Variants in SLC44A1 observed in about 807,000 individuals in gnomAD.
SLC44A1 encodes the protein solute carrier family 44 member 1, also known as choline transporter-like protein 1.
In SLC44A1, 26 loss-of-function variants were observed where a neutral mutation model predicts 79.3. The observed-to-expected ratio is 0.33, with a 90% CI of 0.24 to 0.46. The LOEUF (loss-of-function observed/expected upper bound fraction) is 0.46. Ranked by LOEUF, SLC44A1 falls within the 20% of genes least tolerant of loss-of-function variation. The pLI, the probability that SLC44A1 is intolerant of heterozygous loss-of-function variation, is 1.00. For missense variants in SLC44A1, 688 were observed against 798.1 expected, an observed-to-expected ratio of 0.86 and a Z score of 1.66; for synonymous variants, 263 against 286.2, an observed-to-expected ratio of 0.92 and a Z score of 0.82.
At position 105,392,391 on chromosome 9, in the gene SLC44A1, CT is replaced by C; in HGVS notation, c.*3336del. On this transcript the variant is annotated 3_prime_UTR_variant, in exon 16 of 16. Transcript: ENST00000374720. Reference sequence around the variant, plus strand: ...TGTTTTTCTTTTGTAGAGATGCTCTCTCTCTCTCTCTCTTTTTTTTTTTTTT... The same window carrying C: ...TGTTTTTCTTTTGTAGAGATGCTCTCCTCTCTCTCTCTTTTTTTTTTTTTT... The C allele has an allele frequency of 1.1e-6, 1 of 883,286 alleles. No individual in the cohort carries two copies. Among genetic ancestry groups the C allele is most frequent in the Non-Finnish European group, 1.3e-6 (1 of 768,730 alleles). 54.7% of individuals were successfully genotyped at this position (883,286 alleles called of 1,614,324 possible). A position where few individuals can be genotyped will look rare whatever the true frequency, so the allele number is the denominator to read the frequency against.
chr9:105,251,080 A>G (rs995003161), intron 1 of SLC44A1, among the ~76,000 whole-genome samples: 1 of 152,124 alleles, frequency 6.6e-6, no homozygotes, highest in Non-Finnish European at 1.5e-5. Context: ...ACAGTTCCCA[A>G]ACTAAATTAC....
rs374900983 is a variant in SLC44A1 at position 105,315,180 on chromosome 9, G to A, written c.269+5314G>A. ...CCAAAGCCCTTATACAATCTAGGAA[G>A]GCTTTGAGTAATTTGAAGGCAATTT... On this transcript the variant is annotated intron_variant, in intron 3 of 15. Transcript: ENST00000374720. Among the ~76,000 whole-genome samples, 4 of 151,844 alleles carry A rather than the reference G, an allele frequency of 2.6e-5. No individual in the cohort carries two copies. The East Asian group carries it at 7.7e-4, about 29-fold the overall frequency.
intron 1 of SLC44A1, among the ~76,000 whole-genome samples, chr9:105,249,815 A>G (rs1829541162): frequency 6.6e-6 from 1 of 150,910 alleles, no homozygotes; most frequent in Admixed American, 6.6e-5. Context: ...GATTACAGGC[A>G]TGAGCCTCCA....
At chr9:105,274,210 T>C (rs1197997392) in intron 1 of SLC44A1, among the ~76,000 whole-genome samples, 1 of 152,208 alleles carries the variant, frequency 6.6e-6, no homozygotes, top group East Asian at 1.9e-4. Context: ...CCTTAAGCAA[T>C]ATGAAGCTAC....
chr9:105,387,370 A>G (rs543886164), intron 15 of SLC44A1, among the ~76,000 whole-genome samples: 1 of 152,038 alleles, frequency 6.6e-6, no homozygotes, highest in South Asian at 2.1e-4. Context: ...TCACCTAGAC[A>G]TGATTGCTTG....
chr9:105,315,093 G>A (rs1831284553), intron 3 of SLC44A1, among the ~76,000 whole-genome samples: 1 of 152,010 alleles, frequency 6.6e-6, no homozygotes, highest in Non-Finnish European at 1.5e-5. Flanking sequence ...GTTTAAAGAT[G>A]AAAGAAATTT....
intron 15 of SLC44A1, among the ~76,000 whole-genome samples, chr9:105,407,541 T>C (rs1310218900): frequency 1.3e-5 from 2 of 152,210 alleles, no homozygotes; most frequent in African/African-American, 4.8e-5. Context: ...TCAAGAATCC[T>C]GTATTCAATA....
At chr9:105,298,176 G>A (rs551317386) in intron 1 of SLC44A1, among the ~76,000 whole-genome samples, 5 of 152,140 alleles carry the variant, frequency 3.3e-5, no homozygotes, top group Admixed American at 6.5e-5. Flanking sequence ...AATGCCGCTA[G>A]TTCTGTAGTT....
At chr9:105,338,651 C>T (rs1826996498) in intron 4 of SLC44A1, among the ~76,000 whole-genome samples, 1 of 152,166 alleles carries the variant, frequency 6.6e-6, no homozygotes, top group Admixed American at 6.5e-5. Context: ...TAGCCTTAAG[C>T]GATCCTCCCT....
intron 15 of SLC44A1, among the ~76,000 whole-genome samples, chr9:105,418,131 G>A (rs944065580): frequency 2.6e-5 from 4 of 151,922 alleles, no homozygotes; most frequent in Non-Finnish European, 5.9e-5. Flanking sequence ...GCCTGGCCAT[G>A]GTGAAACTCC....
At chr9:105,321,007 A>G (rs1241541183) in intron 3 of SLC44A1, among the ~76,000 whole-genome samples, 1 of 152,096 alleles carries the variant, frequency 6.6e-6, no homozygotes, top group African/African-American at 2.4e-5. Flanking sequence ...ATTTTTTCTA[A>G]TCTTTGGTTT....
intron 1 of SLC44A1, among the ~76,000 whole-genome samples, chr9:105,294,244 C>T (rs1830667337): frequency 6.6e-6 from 1 of 152,126 alleles, no homozygotes. Context: ...AATCTCAAAC[C>T]TTCATTTTAG....
chr9:105,350,395 G>A (rs907062874), intron 5 of SLC44A1, among the ~76,000 whole-genome samples: 2 of 146,642 alleles, frequency 1.4e-5, no homozygotes, highest in South Asian at 2.1e-4. Flanking sequence ...TCCACCCATC[G>A]TTGTATTAGA....
Position 105,364,712 on chromosome 9 carries a change from T to C in SLC44A1, c.1245T>C (p.Tyr415=). The C allele has an allele frequency of 6.2e-7, 1 of 1,612,328 alleles. No homozygotes were observed. Among genetic ancestry groups the C allele is most frequent in the East Asian group, 2.2e-5 (1 of 44,868 alleles). The change falls in exon 10 of 16, where the codon TAT becomes TAC. Residue 415 remains tyrosine, a synonymous_variant. Coordinates refer to ENST00000374720, the MANE Select transcript of SLC44A1 (RefSeq NM_080546.5). ...MTVAGAVVTY[Y]FTRDKRNLPF... ...TGGCAGGAGCTGTGGTAACATACTA[T>C]TTTACTAGGTAAGAATATGTTGTTA...
intron 1 of SLC44A1, among the ~76,000 whole-genome samples, chr9:105,263,197 C>T (rs1232230866): frequency 6.6e-6 from 1 of 152,228 alleles, no homozygotes; most frequent in Non-Finnish European, 1.5e-5. Context: ...TGTTTAAACA[C>T]TTCCAGCAAC....
rs1422085126 is a variant in SLC44A1 at position 105,391,923 on chromosome 9, T to C, written c.*2867T>C. The C allele has an allele frequency of 1.0e-6, 1 of 985,170 alleles. No homozygotes were observed. Among genetic ancestry groups the C allele is most frequent in the African/African-American group, 1.7e-5 (1 of 57,220 alleles). The allele number at this position is 985,170 out of a possible 1,614,324, so 61.0% of individuals were successfully genotyped here. ...AATTGGGGTCCTCTATTGTCAATTG[T>C]AGTAGTGACCAGAGTATCGTGGTTT... On this transcript the variant is annotated 3_prime_UTR_variant, in exon 16 of 16. Transcript: ENST00000374720.
rs1035789265 is a variant in SLC44A1, at chr9:105,394,667, C to A, written c.*5611C>A. On this transcript the variant is annotated 3_prime_UTR_variant, in exon 16 of 16. Transcript: ENST00000374720. Reference sequence around the variant, plus strand: ...TACTACTGTCTTAAAATATATTTGTCAACATGTCCAGTTCCAACAACAGTT... The same window carrying A: ...TACTACTGTCTTAAAATATATTTGTAAACATGTCCAGTTCCAACAACAGTT... 1.8e-5 allele frequency: 18 copies of A among 985,092 alleles called. No individual in the cohort carries two copies. The African/African-American group carries it at 2.8e-4, about 15-fold the overall frequency. 61.0% of individuals were successfully genotyped at this position (985,092 alleles called of 1,614,324 possible).
In SLC44A1 at chr9:105,392,629, A is replaced by G. The variant is rs1479860166; in HGVS notation, c.*3573A>G. 5 of 985,256 alleles carry G rather than the reference A, an allele frequency of 5.1e-6. No homozygotes were observed. Among genetic ancestry groups the G allele is most frequent in the South Asian group, 4.7e-5 (1 of 21,286 alleles). The allele number at this position is 985,256 out of a possible 1,614,324, so 61.0% of individuals were successfully genotyped here. A position where few individuals can be genotyped will look rare whatever the true frequency, so the allele number is the denominator to read the frequency against. Reference sequence around the variant, plus strand: ...CTCTCCCTCCCTCTTCAAAACAGCTACAGGAACTGCAGGCACCACATATGT... The same window carrying G: ...CTCTCCCTCCCTCTTCAAAACAGCTGCAGGAACTGCAGGCACCACATATGT... On this transcript the variant is annotated 3_prime_UTR_variant, in exon 16 of 16. Coordinates refer to ENST00000374720, the MANE Select transcript of SLC44A1 (RefSeq NM_080546.5).
Position 105,362,836 on chromosome 9 carries a change from A to T in SLC44A1, c.916A>T (p.Ile306Leu). 1 of 1,604,420 alleles carries T rather than the reference A, an allele frequency of 6.2e-7. No homozygotes were observed. The highest frequency in any genetic ancestry group is 2.2e-5 in the East Asian group (1 of 44,574). The change falls in exon 9 of 16, where the codon ATA becomes TTA. Residue 306 changes from isoleucine (I) to leucine (L), a missense_variant. Transcript: ENST00000374720. ...CTCCATACAGGTGATCTTATTCCTG[A>T]TAATGTTGGTTATGCGCAAACGTGT... ...ATVFTVILFL[I>L]MLVMRKRVAL...
Sources: gnomAD v4.1 joint callset for allele counts (sites outside exome capture counted in the v4.1 genomes callset) on GRCh38, gnomAD v4.1.1 for gene constraint, MANE v1.5 for transcripts, NCBI Gene and HGNC (gene_info 2026-07-23, HGNC 2026-07-21) for gene names.